USP24: variants seen among roughly 807,000 people sequenced by gnomAD.
USP24 encodes ubiquitin specific peptidase 24.
USP24 carries 97 observed loss-of-function variants against 361.6 expected under a neutral mutation model. That is an observed-to-expected ratio of 0.27 (90% CI 0.23 to 0.32). The LOEUF (loss-of-function observed/expected upper bound fraction) is 0.32. USP24 is among the 10% of genes least tolerant of loss of function. USP24 has a pLI of 1.00. For synonymous variants in USP24, 1,098 were observed against 1,124.6 expected (o/e 0.98, Z 0.47); for missense variants, 2,353 against 3,165.6 (o/e 0.74, Z 6.16).
chr1:55,072,463 G>C (rs1325338301), intron 65 of USP24, 60 bp from the exon 66 acceptor site: 2 of 1,350,830 alleles, frequency 1.5e-6, no homozygotes, highest in African/African-American at 2.9e-5. Flanking sequence ...TGGGTTCACA[G>C]TTTCTACCAT....
At chr1:55,079,965 G>A (rs1645116364) in intron 59 of USP24, among the ~76,000 whole-genome samples, 8 of 151,964 alleles carry the variant, frequency 5.3e-5, no homozygotes, top group Admixed American at 5.2e-4. Flanking sequence ...CTCACACAGC[G>A]GATCCCTCAC....
chr1:55,162,889 C>T (rs917808802), intron 7 of USP24, among the ~76,000 whole-genome samples: 1 of 152,002 alleles, frequency 6.6e-6, no homozygotes, highest in Non-Finnish European at 1.5e-5. Flanking sequence ...AGAAGTGACA[C>T]TACCAGTAAT....
chr1:55,166,160 ATTAT>A (rs1451324810), intron 6 of USP24, among the ~76,000 whole-genome samples: 2 of 150,882 alleles, frequency 1.3e-5, no homozygotes, highest in East Asian at 3.8e-4. Flanking sequence ...ATCCAATTAT[ATTAT>A]TTAAGTTATT....
intron 54 of USP24, among the ~76,000 whole-genome samples, chr1:55,090,550 A>T (rs1322013083): frequency 6.6e-6 from 1 of 152,192 alleles, no homozygotes. Flanking sequence ...TTGACTGCAA[A>T]ATCTGTCCAA....
Position 55,138,712 on chromosome 1 carries a change from A to G in USP24, c.2824T>C (p.Tyr942His). 6.2e-7 allele frequency: 1 copy of G among 1,609,694 alleles called. No homozygotes were observed. The highest frequency in any genetic ancestry group is 1.1e-5 in the South Asian group (1 of 90,368). ...ERYVITIEDFYSVPRTILPHG... is the reference protein window; with the variant it reads ...ERYVITIEDFHSVPRTILPHG... ...GGTAGAATAGTTCGTGGAACAGAGT[A>G]AAAATCCTTAAAAAACGAATAAGTC... Residue 942 changes from tyrosine to histidine, a missense_variant, in exon 26 of 68, where the codon TAC becomes CAC. Coordinates refer to ENST00000294383, the MANE Select transcript of USP24 (RefSeq NM_015306.3).
intron 38 of USP24, among the ~76,000 whole-genome samples, chr1:55,115,860 C>A (rs1424073008): frequency 6.6e-6 from 1 of 152,182 alleles, no homozygotes; most frequent in Non-Finnish European, 1.5e-5. Context: ...AGTTCATACC[C>A]TTTGCAGGGA....
At chr1:55,212,483 T>C (rs759045137) in intron 1 of USP24, among the ~76,000 whole-genome samples, 1 of 152,160 alleles carries the variant, frequency 6.6e-6, no homozygotes, top group Non-Finnish European at 1.5e-5. Context: ...AAGGGTTAAA[T>C]AAACTGTATA....
rs757104634 is a variant in USP24, at chr1:55,124,598, C to T, written c.3991G>A (p.Val1331Met). 8.1e-6 allele frequency: 13 copies of T among 1,613,968 alleles called. No homozygotes were observed. Among genetic ancestry groups the T allele is most frequent in the Non-Finnish European group, 1.0e-5 (12 of 1,179,898 alleles). ...TMEVSDFTSTVACFMRLSWAA... is the reference protein window; with the variant it reads ...TMEVSDFTSTMACFMRLSWAA... ...CATGACAATCTCATGAAGCAAGCCA[C>T]AGTAGAAGTGAAATCACTTACTTCC... The change falls in exon 35 of 68, where the codon GTG (valine) becomes ATG (methionine). Residue 1331 changes from valine to methionine, a missense_variant. By Grantham distance (21) the Val-to-Met change is conservative. Transcript: ENST00000294383.
chr1:55,166,488 G>C, intron 6 of USP24, 80 bp downstream of exon 6: 1 of 1,293,324 alleles, frequency 7.7e-7, no homozygotes, highest in East Asian at 2.5e-5. Flanking sequence ...GCTGCCATTT[G>C]CTTAATATAC....
chr1:55,115,495 C>CA (rs1165658382), intron 38 of USP24, among the ~76,000 whole-genome samples: 6,924 of 45,806 alleles, frequency 0.15, 1,137 homozygotes, highest in African/African-American at 0.34. Context: ...GACTCCGCCT[C>CA]AAAAAAAAAA....
intron 42 of USP24, among the ~76,000 whole-genome samples, chr1:55,102,125 T>C (rs1206554245): frequency 6.6e-6 from 1 of 152,082 alleles, no homozygotes; most frequent in African/African-American, 2.4e-5. Flanking sequence ...CTACTATATA[T>C]TCATGAATTA....
intron 42 of USP24, among the ~76,000 whole-genome samples, chr1:55,103,502 G>T (rs558643614): frequency 6.6e-6 from 1 of 152,134 alleles, no homozygotes; most frequent in South Asian, 2.1e-4. Flanking sequence ...AATAAATTTT[G>T]GTTGAATTTA....
intron 1 of USP24, among the ~76,000 whole-genome samples, chr1:55,179,859 TC>T (rs137890757): frequency 0.017 from 2,615 of 152,326 alleles, 69 homozygotes; most frequent in African/African-American, 0.06. Context: ...CTTCACCAGC[TC>T]CCTAACTGGG....
chr1:55,099,748 A>G (rs1279402807), intron 45 of USP24, 23 bp downstream of exon 45: 1 of 1,506,672 alleles, frequency 6.6e-7, no homozygotes, highest in Admixed American at 2.0e-5. Context: ...AGGGAGTTAG[A>G]GGGAAAGTAC....
chr1:55,136,622 G>A (rs923217254), intron 28 of USP24, among the ~76,000 whole-genome samples: 6 of 152,120 alleles, frequency 3.9e-5, no homozygotes, highest in South Asian at 4.1e-4. Context: ...CTGGATTGTC[G>A]ATGGATTCTG....
At position 55,122,371 on chromosome 1, in the gene USP24, G is replaced by A. The variant is rs191561965; in HGVS notation, c.4277-865C>T. The stretch of plus-strand genomic sequence containing the variant: ...GGGTGGCCGAAGCACAGTGAGTAAA[G>A]GGAAGAGTAGAAGCAAAGGCACAGG... On this transcript the variant is annotated intron_variant, in intron 36 of 67. Transcript: ENST00000294383. Among the ~76,000 whole-genome samples, 530 of 152,278 alleles carry A rather than the reference G, an allele frequency of 3.5e-3. 3 individuals are homozygous for A. The highest frequency in any genetic ancestry group is 0.012 in the African/African-American group (511 of 41,554).
chr1:55,147,336 G>A (rs1647055819), intron 18 of USP24, among the ~76,000 whole-genome samples: 1 of 151,766 alleles, frequency 6.6e-6, no homozygotes, highest in Admixed American at 6.6e-5. Context: ...ACTCACAACT[G>A]GTGAGTTAAG....
chr1:55,201,552 G>C (rs1457137520), intron 1 of USP24, among the ~76,000 whole-genome samples: 4 of 117,620 alleles, frequency 3.4e-5, no homozygotes, highest in African/African-American at 1.3e-4. Context: ...AATGAGCCGA[G>C]ATCACGCTAC....
rs1053880456 is a variant in USP24, at chr1:55,081,267, C to G, written c.7078+55G>C. Reference sequence around the variant, plus strand: ...ATTCATTTACTTGCTAATATAATTACTCTCCAAGCTAGACAAATTCAGTAT... The same window carrying G: ...ATTCATTTACTTGCTAATATAATTAGTCTCCAAGCTAGACAAATTCAGTAT... On this transcript the variant is annotated intron_variant, in intron 59 of 67. Coordinates refer to ENST00000294383, the MANE Select transcript of USP24 (RefSeq NM_015306.3). 2.3e-5 allele frequency: 34 copies of G among 1,507,952 alleles called. No individual in the cohort carries two copies. In the Admixed American group the frequency reaches 3.6e-4, roughly 16 times the overall value. 93.4% of individuals were successfully genotyped at this position (1,507,952 alleles called of 1,614,324 possible). A position where few individuals can be genotyped will look rare whatever the true frequency, so the allele number is the denominator to read the frequency against.
Sources: gnomAD v4.1 joint callset for allele counts (sites outside exome capture counted in the v4.1 genomes callset) on GRCh38, gnomAD v4.1.1 for gene constraint, MANE v1.5 for transcripts, NCBI Gene and HGNC (gene_info 2026-07-23, HGNC 2026-07-21) for gene names.